Variants in PCDHGA6 observed in about 807,000 individuals in gnomAD.
PCDHGA6 encodes protocadherin gamma-A6.
A neutral mutation model predicts 60.6 loss-of-function variants in PCDHGA6; 41 were observed. The ratio of observed to expected loss-of-function variants is 0.68; its 90% CI spans 0.53 to 0.88. The LOEUF is 0.88. PCDHGA6 is among the 40% of genes least tolerant of loss of function. The probability of loss-of-function intolerance (pLI) is 0.00; values close to 1 mark genes in which losing one functional copy is unlikely to be tolerated. For synonymous variants in PCDHGA6, 594 were observed against 524.4 expected, an observed-to-expected ratio of 1.13 and a Z score of -1.81; for missense variants, 1,312 against 1,203.0, an observed-to-expected ratio of 1.09 and a Z score of -1.34.
Position 141,428,338 on chromosome 5 carries a change from T to C in PCDHGA6, c.2424+51831T>C, listed in dbSNP as rs575215422. 427 of 592,394 alleles carry C rather than the reference T, an allele frequency of 7.2e-4. 1 individual carries two copies. The highest frequency in any genetic ancestry group is 1.3e-3 in the Non-Finnish European group (409 of 326,444). 36.7% of individuals were successfully genotyped at this position (592,394 alleles called of 1,614,324 possible). ...CTTGGCCTTGATTTCTATGCTCTTC[T>C]TCCTCGCAGTGATTTTGGCGGTCGC... On this transcript the variant is annotated intron_variant, in intron 1 of 3. Coordinates refer to ENST00000517434, the MANE Select transcript of PCDHGA6 (RefSeq NM_018919.3).
At chr5:141,403,226 C>A in intron 1 of PCDHGA6, 3 of 1,613,926 alleles carry the variant, frequency 1.9e-6, no homozygotes, top group South Asian at 1.1e-5. Context: ...TAGGATAGAC[C>A]GGGAGGAGCT....
chr5:141,402,973 C>T (rs779898665), intron 1 of PCDHGA6: 4 of 1,608,044 alleles, frequency 2.5e-6, no homozygotes, highest in Non-Finnish European at 2.5e-6. Context: ...CAACCAAATG[C>T]CAGCTCCGCG....
chr5:141,427,776 G>A (rs3828681), intron 1 of PCDHGA6: 73,622 of 1,424,156 alleles, frequency 0.052, 2,339 homozygotes, highest in African/African-American at 0.13. Flanking sequence ...GGAGCTGCGG[G>A]CACTGTCGTC....
chr5:141,423,782 C>A (rs1458189260), intron 1 of PCDHGA6: 2 of 1,243,328 alleles, frequency 1.6e-6, no homozygotes, highest in Non-Finnish European at 1.0e-6. Context: ...ATATTTAGTT[C>A]ATATATATTT....
intron 1 of PCDHGA6, chr5:141,419,136 A>G: frequency 1.9e-6 from 3 of 1,613,918 alleles, no homozygotes; most frequent in Non-Finnish European, 1.7e-6. Context: ...GCAGCCACAG[A>G]CAGGGGCAAG....
chr5:141,476,230 G>A lies in PCDHGA6; in HGVS notation c.2425-18577G>A, dbSNP rs906283645. On this transcript the variant is annotated intron_variant, in intron 1 of 3. Coordinates refer to ENST00000517434, the MANE Select transcript of PCDHGA6 (RefSeq NM_018919.3). This position sits in a 1 kb window ranked among gnomAD's most constrained non-coding sequence, Gnocchi z 7.6. Reference sequence around the variant, plus strand: ...CCACGGTCATTCACTATGAGATCCCGGAGGAAAGAGAGAAGGGTTTCGCTG... The same window carrying A: ...CCACGGTCATTCACTATGAGATCCCAGAGGAAAGAGAGAAGGGTTTCGCTG... The A allele has an allele frequency of 1.2e-6, 2 of 1,614,040 alleles. No homozygotes were observed. Among genetic ancestry groups the A allele is most frequent in the Non-Finnish European group, 1.7e-6 (2 of 1,180,024 alleles).
Position 141,431,479 on chromosome 5 carries a change from A to T in PCDHGA6, c.2424+54972A>T. 1 of 1,613,892 alleles carries T rather than the reference A, an allele frequency of 6.2e-7. No individual in the cohort carries two copies. Among genetic ancestry groups the T allele is most frequent in the South Asian group, 1.1e-5 (1 of 91,092 alleles). On this transcript the variant is annotated intron_variant, in intron 1 of 3. Transcript: ENST00000517434. This position sits in a 1 kb window ranked among gnomAD's most constrained non-coding sequence, Gnocchi z 4.8. ...TTCTGGATGCGAACGACAACGCACC[A>T]GCGTTTGCTCAGCCCGAGTACCGCG...
At chr5:141,388,965 G>T (rs1164641835) in intron 1 of PCDHGA6, 1 of 1,613,978 alleles carries the variant, frequency 6.2e-7, no homozygotes, top group Admixed American at 1.7e-5. Context: ...CGCCGAGCTG[G>T]GAACACATAT....
Position 141,491,402 on chromosome 5 carries a change from C to T in PCDHGA6, c.2425-3405C>T. 1 of 1,614,156 alleles carries T rather than the reference C, an allele frequency of 6.2e-7. No individual in the cohort carries two copies. Among genetic ancestry groups the T allele is most frequent in the Non-Finnish European group, 8.5e-7 (1 of 1,180,022 alleles). ...TCAGCGAAGTGCCTTCAGGGAAACG[C>T]AGACGGGGACGGGGGTGGAGGGCAG... On this transcript the variant is annotated intron_variant, in intron 1 of 3. Transcript: ENST00000517434. The surrounding 1 kb of genome is among the most constrained non-coding windows in gnomAD (Gnocchi z 6.9).
chr5:141,417,709 C>T lies in PCDHGA6; in HGVS notation c.2424+41202C>T, dbSNP rs533902963. 1.5e-5 allele frequency: 18 copies of T among 1,238,872 alleles called. No individual in the cohort carries two copies. The East Asian group carries it at 1.8e-4, about 12-fold the overall frequency. 76.7% of individuals were successfully genotyped at this position (1,238,872 alleles called of 1,614,324 possible). ...AAGAAAACCAGCTCCCACACAGAGG[C>T]TCCCGGCTGCGCAGACCTTGCCCAG... On this transcript the variant is annotated intron_variant, in intron 1 of 3. Coordinates refer to ENST00000517434, the MANE Select transcript of PCDHGA6 (RefSeq NM_018919.3).
At chr5:141,478,333 G>C in intron 1 of PCDHGA6, 5 of 1,613,928 alleles carry the variant, frequency 3.1e-6, no homozygotes, top group Non-Finnish European at 4.2e-6. Flanking sequence ...GAACACCAGG[G>C]CCCTCCTTGC....
At position 141,490,258 on chromosome 5, in the gene PCDHGA6, G is replaced by A. The variant is rs776865457; in HGVS notation, c.2425-4549G>A. Reference sequence around the variant, plus strand: ...GGGCCACTGTGTGATTCAAGTGGATGTGGGGGATGTCAATGACAATGCCCC... The same window carrying A: ...GGGCCACTGTGTGATTCAAGTGGATATGGGGGATGTCAATGACAATGCCCC... On this transcript the variant is annotated intron_variant, in intron 1 of 3. Transcript: ENST00000517434. The surrounding 1 kb of genome is among the most constrained non-coding windows in gnomAD (Gnocchi z 5.4). 6.2e-7 allele frequency: 1 copy of A among 1,614,136 alleles called. No homozygotes were observed.
At chr5:141,421,461 G>C (rs1216014695) in intron 1 of PCDHGA6, 2 of 1,614,034 alleles carry the variant, frequency 1.2e-6, no homozygotes, top group Non-Finnish European at 8.5e-7. Context: ...TTTTCGCTGT[G>C]AATCCGCGAA....
At chr5:141,440,280 A>G (rs1389627767) in intron 1 of PCDHGA6, 1 of 152,220 alleles carries the variant, frequency 6.6e-6, no homozygotes, top group East Asian at 1.9e-4. Context: ...CAGCCTGACC[A>G]ACATAGTGAA....
chr5:141,404,407 T>C, intron 1 of PCDHGA6: 1 of 1,613,944 alleles, frequency 6.2e-7, no homozygotes, highest in East Asian at 2.2e-5. Flanking sequence ...ATGAGAATTC[T>C]AGAGTTATTT....
At position 141,404,344 on chromosome 5, in the gene PCDHGA6, C is replaced by T. The variant is rs755599341; in HGVS notation, c.2424+27837C>T. 1.1e-5 allele frequency: 18 copies of T among 1,613,954 alleles called. No homozygotes were observed. In the East Asian group the frequency reaches 3.8e-4, roughly 34 times the overall value. ...CCTACTCAGTCTACCTCCCGGAAAA[C>T]AACGCCAGAGGTACTTCCATCTTCT... On this transcript the variant is annotated intron_variant, in intron 1 of 3. Coordinates refer to ENST00000517434, the MANE Select transcript of PCDHGA6 (RefSeq NM_018919.3).
chr5:141,384,053 C>T (rs1329974843), intron 1 of PCDHGA6: 1 of 1,610,750 alleles, frequency 6.2e-7, no homozygotes, highest in Non-Finnish European at 8.5e-7. Context: ...GTGACCTGCA[C>T]CATTCCAGAA....
intron 1 of PCDHGA6, among the ~76,000 whole-genome samples, chr5:141,452,713 T>TGAGG (rs2098747318): frequency 6.7e-6 from 1 of 148,530 alleles, no homozygotes; most frequent in Non-Finnish European, 1.5e-5. Flanking sequence ...AAGGAAGGAA[T>TGAGG]GAGGGAGGGA....
intron 1 of PCDHGA6, chr5:141,409,960 C>G: frequency 6.2e-7 from 1 of 1,613,416 alleles, no homozygotes; most frequent in Non-Finnish European, 8.5e-7. Flanking sequence ...AGCCCGGCTA[C>G]CTAGTGACTA....
Sources: gnomAD v4.1 joint callset for allele counts (sites outside exome capture counted in the v4.1 genomes callset) on GRCh38, gnomAD v4.1.1 for gene constraint, Gnocchi (gnomAD v3.1) non-coding constraint, MANE v1.5 for transcripts, NCBI Gene and HGNC (gene_info 2026-07-23, HGNC 2026-07-21) for gene names.